The following SLC5A5 variants were observed in gnomAD, a reference collection of about 807,000 sequenced individuals.
SLC5A5 encodes the protein solute carrier family 5 member 5.
Under a neutral mutation model 68.6 loss-of-function variants are expected in SLC5A5, and 56 were observed. That is an observed-to-expected ratio of 0.82 (90% confidence interval 0.66 to 1.02). SLC5A5 has a LOEUF of 1.02. SLC5A5 is among the 50% of genes least tolerant of loss of function. SLC5A5 has a pLI of 0.00. For synonymous variants in SLC5A5, 398 were observed against 373.0 expected (o/e 1.07, Z -0.77); for missense variants, 807 against 859.8 (o/e 0.94, Z 0.77).
chr19:17,880,467 G>A (rs891669417), intron 7 of SLC5A5, among the ~76,000 whole-genome samples: 3 of 152,104 alleles, frequency 2.0e-5, no homozygotes, highest in South Asian at 2.1e-4. Flanking sequence ...CACCCGCCTC[G>A]GCCTCCCGAA....
Position 17,894,333 on chromosome 19 carries a change from G to C in SLC5A5, c.*456G>C, listed in dbSNP as rs2030327811. 1 of 182,794 alleles carries C rather than the reference G, an allele frequency of 5.5e-6. No homozygotes were observed. Among genetic ancestry groups the C allele is most frequent in the South Asian group, 1.0e-4 (1 of 9,594 alleles). 11.3% of individuals were successfully genotyped at this position (182,794 alleles called of 1,614,324 possible). A position where few individuals can be genotyped will look rare whatever the true frequency, so the allele number is the denominator to read the frequency against. ...CAGCCAACTTTTTGTATTTTTAGTAGAGACAGGGTTTCACCATGTTGGTCA... is the reference window on the plus strand; with the variant it reads ...CAGCCAACTTTTTGTATTTTTAGTACAGACAGGGTTTCACCATGTTGGTCA... On this transcript the variant is annotated 3_prime_UTR_variant, in exon 15 of 15. Transcript: ENST00000222248.
Position 17,893,568 on chromosome 19 carries a change from C to T in SLC5A5, c.1768-145C>T, listed in dbSNP as rs2030282451. ...GGAGGCAGAGCGGGCAGGACTGGCC[C>T]GTGCACTGAGCAAGGGGATAGTATG... is the stretch of plus-strand genomic sequence containing the variant. On this transcript the variant is annotated intron_variant, in intron 14 of 14. Coordinates refer to ENST00000222248, the MANE Select transcript of SLC5A5 (RefSeq NM_000453.3). 2.8e-5 allele frequency: 22 copies of T among 783,710 alleles called. No individual in the cohort carries two copies. The South Asian group carries it at 3.1e-4, about 11-fold the overall frequency. The allele number at this position is 783,710 out of a possible 1,614,324, so 48.5% of individuals were successfully genotyped here.
chr19:17,872,191 G>A lies in SLC5A5; in HGVS notation c.-129G>A. On this transcript the variant is annotated 5_prime_UTR_variant, in exon 1 of 15. Transcript: ENST00000222248. Reference sequence around the variant, plus strand: ...CCTCTCGCCGCTTCCCACCCCAGACGGAGCGGGGACAGGCTGCCGAGCATC... The same window carrying A: ...CCTCTCGCCGCTTCCCACCCCAGACAGAGCGGGGACAGGCTGCCGAGCATC... 1 of 683,264 alleles carries A rather than the reference G, an allele frequency of 1.5e-6. No individual in the cohort carries two copies. The highest frequency in any genetic ancestry group is 2.8e-5 in the East Asian group (1 of 35,832). The allele number at this position is 683,264 out of a possible 1,614,324, so 42.3% of individuals were successfully genotyped here. A position where few individuals can be genotyped will look rare whatever the true frequency, so the allele number is the denominator to read the frequency against.
At chr19:17,877,910 C>T in intron 6 of SLC5A5, 47 bp downstream of exon 6, 1 of 1,613,954 alleles carries the variant, frequency 6.2e-7, no homozygotes, top group Non-Finnish European at 8.5e-7. Context: ...ACATGCTGCC[C>T]CCCTCCACCA....
Position 17,874,652 on chromosome 19 carries a change from CT to C in SLC5A5, c.476-7del. 2 of 1,613,832 alleles carry C rather than the reference CT, an allele frequency of 1.2e-6. No homozygotes were observed. Among genetic ancestry groups the C allele is most frequent in the Non-Finnish European group, 1.7e-6 (2 of 1,180,006 alleles). On this transcript the variant is annotated splice_polypyrimidine_tract_variant and intron_variant, in intron 3 of 14. Coordinates refer to ENST00000222248, the MANE Select transcript of SLC5A5 (RefSeq NM_000453.3). ...GCCCAGGGGCCTAACAGGGGGACCT[CT>C]TTTTGCATAGTGACCGGGCTGGACA...
rs1347559748 is a variant in SLC5A5 at position 17,893,251 on chromosome 19, C to T, written c.1768-462C>T. ...CTGAGTAGCTGGGATTATAGGCATG[C>T]ACCACCGAGTCTGGTTAATTTTTTT... On this transcript the variant is annotated intron_variant, in intron 14 of 14. Coordinates refer to ENST00000222248, the MANE Select transcript of SLC5A5 (RefSeq NM_000453.3). Among the ~76,000 whole-genome samples, 2 of 151,514 alleles carry T rather than the reference C, an allele frequency of 1.3e-5. 1 individual carries two copies. Among genetic ancestry groups the T allele is most frequent in the Admixed American group, 1.3e-4 (2 of 15,168 alleles).
At chr19:17,883,319 A>G (rs59246515) in intron 10 of SLC5A5, among the ~76,000 whole-genome samples, 24,976 of 143,360 alleles carry the variant, frequency 0.17, 2,499 homozygotes, top group African/African-American at 0.2. Context: ...GGGAAGGGGG[A>G]GGTGGCGACA....
At chr19:17,876,613 C>T (rs1383768412) in intron 5 of SLC5A5, among the ~76,000 whole-genome samples, 1 of 152,118 alleles carries the variant, frequency 6.6e-6, no homozygotes, top group Non-Finnish European at 1.5e-5. Flanking sequence ...CCTGTAATCC[C>T]AGCACTTTGG....
rs761751221 is a variant in SLC5A5, at chr19:17,883,651, C to T, written c.1243-30C>T. 1.9e-6 allele frequency: 3 copies of T among 1,587,586 alleles called. No individual in the cohort carries two copies. In the African/African-American group the frequency reaches 4.0e-5, roughly 21 times the overall value. ...GCCCAGAGCGGTGGGAGGGCTCCGC[C>T]CTCAGCCCCACTTCCACCTACTCTC... On this transcript the variant is annotated intron_variant, in intron 10 of 14. Transcript: ENST00000222248.
In SLC5A5 at chr19:17,876,920, C is replaced by T. The variant is rs1375011872; in HGVS notation, c.699-803C>T. On this transcript the variant is annotated intron_variant, in intron 5 of 14. Coordinates refer to ENST00000222248, the MANE Select transcript of SLC5A5 (RefSeq NM_000453.3). ...TGGCGCATGCCTGTAATTCCAGCTACTCGGGGAGGCTGAGGCAGGAGAATC... is the reference window on the plus strand; with the variant it reads ...TGGCGCATGCCTGTAATTCCAGCTATTCGGGGAGGCTGAGGCAGGAGAATC... Among the ~76,000 whole-genome samples, 10 of 151,224 alleles carry T rather than the reference C, an allele frequency of 6.6e-5. No homozygotes were observed. The South Asian group carries it at 2.1e-3, about 32-fold the overall frequency.
chr19:17,876,618 C>T (rs747140699), intron 5 of SLC5A5, among the ~76,000 whole-genome samples: 1 of 152,084 alleles, frequency 6.6e-6, no homozygotes, highest in Non-Finnish European at 1.5e-5. Flanking sequence ...AATCCCAGCA[C>T]TTTGGGAGGC....
chr19:17,893,574 C>T, intron 14 of SLC5A5, 139 bp from the exon 15 acceptor site: 1 of 841,214 alleles, frequency 1.2e-6, no homozygotes, highest in Admixed American at 2.2e-5. Context: ...GGCCCGTGCA[C>T]TGAGCAAGGG....
rs967350063 is a variant in SLC5A5 at position 17,872,026 on chromosome 19, G to T, written c.-294G>T. 2 of 456,732 alleles carry T rather than the reference G, an allele frequency of 4.4e-6. No individual in the cohort carries two copies. The highest frequency in any genetic ancestry group is 7.9e-5 in the Admixed American group (2 of 25,468). 28.3% of individuals were successfully genotyped at this position (456,732 alleles called of 1,614,324 possible). A position where few individuals can be genotyped will look rare whatever the true frequency, so the allele number is the denominator to read the frequency against. ...GAGAGGGACAGACAGCCGGCTGCAT[G>T]GGACAGCGGAACCCAGAGTGAGAGG... is the stretch of plus-strand genomic sequence containing the variant. On this transcript the variant is annotated 5_prime_UTR_variant, in exon 1 of 15. An upstream start codon of the reference 5' UTR is lost. Coordinates refer to ENST00000222248, the MANE Select transcript of SLC5A5 (RefSeq NM_000453.3).
At chr19:17,878,989 C>CAA (rs764175985) in intron 7 of SLC5A5, among the ~76,000 whole-genome samples, 2 of 106,084 alleles carry the variant, frequency 1.9e-5, no homozygotes, top group Non-Finnish European at 3.8e-5. Context: ...AAAAAAAAAA[C>CAA]AAAAAAAAAA....
intron 13 of SLC5A5, 101 bp from the exon 14 acceptor site, chr19:17,890,785 A>G (rs1435578415): frequency 2.4e-6 from 2 of 849,044 alleles, no homozygotes; most frequent in Non-Finnish European, 4.1e-6. Context: ...GTTAGACTTC[A>G]TAGACCAGGG....
Position 17,874,219 on chromosome 19 carries a change from C to A in SLC5A5, c.423+16C>A. The A allele has an allele frequency of 1.3e-6, 2 of 1,585,324 alleles. No homozygotes were observed. Among genetic ancestry groups the A allele is most frequent in the South Asian group, 2.2e-5 (2 of 90,532 alleles). Reference sequence around the variant, plus strand: ...TGTAGCCACGGTGAGTGGCCTCGGCCCCGCCCTCCGCTCAGGGCCCCGAGA... The same window carrying A: ...TGTAGCCACGGTGAGTGGCCTCGGCACCGCCCTCCGCTCAGGGCCCCGAGA... On this transcript the variant is annotated intron_variant, in intron 2 of 14. Transcript: ENST00000222248.
intron 12 of SLC5A5, among the ~76,000 whole-genome samples, chr19:17,886,314 T>A (rs1444659973): frequency 6.8e-6 from 1 of 148,036 alleles, no homozygotes; most frequent in East Asian, 2.0e-4. Flanking sequence ...TTTAACTTTT[T>A]TTTTTTTTTT....
chr19:17,878,512 T>A (rs958423823), intron 7 of SLC5A5, among the ~76,000 whole-genome samples: 11 of 127,186 alleles, frequency 8.6e-5, no homozygotes, highest in South Asian at 4.7e-4. Flanking sequence ...CTCAAAAAAA[T>A]AAAATAAAAT....
intron 13 of SLC5A5, 81 bp from the exon 14 acceptor site, chr19:17,890,805 C>T (rs1236197287): frequency 1.0e-6 from 1 of 954,888 alleles, no homozygotes; most frequent in African/African-American, 1.6e-5. Context: ...GATCTCCTTT[C>T]TCCTTCCCAG....
Sources: gnomAD v4.1 joint callset for allele counts (sites outside exome capture counted in the v4.1 genomes callset) on GRCh38, gnomAD v4.1.1 for gene constraint, MANE v1.5 for transcripts, NCBI Gene and HGNC (gene_info 2026-07-23, HGNC 2026-07-21) for gene names.